KCNAB1: variants seen among roughly 807,000 people sequenced by gnomAD.
KCNAB1 encodes potassium voltage-gated channel subfamily A regulatory beta subunit 1.
In KCNAB1, 35 loss-of-function variants were observed where a neutral mutation model predicts 64.6. The observed-to-expected ratio is 0.54, with a 90% CI of 0.41 to 0.72. The LOEUF (loss-of-function observed/expected upper bound fraction) is 0.72. Ranked by LOEUF, KCNAB1 falls within the 30% of genes least tolerant of loss-of-function variation. KCNAB1 has a pLI of 0.00. For synonymous variants in KCNAB1, 177 were observed against 183.8 expected (o/e 0.96, Z 0.30); for missense variants, 401 against 512.9 (o/e 0.78, Z 2.11).
At chr3:156,361,621 A>G (rs1725620703) in intron 1 of KCNAB1, among the ~76,000 whole-genome samples, 1 of 152,322 alleles carries the variant, frequency 6.6e-6, no homozygotes, top group Non-Finnish European at 1.5e-5. Flanking sequence ...AAAGGCTCTC[A>G]ATAAATATTT....
intron 1 of KCNAB1, among the ~76,000 whole-genome samples, chr3:156,288,947 C>T (rs190896956): frequency 6.6e-6 from 1 of 152,286 alleles, no homozygotes; most frequent in Admixed American, 6.5e-5. Flanking sequence ...CTTCCTCCCT[C>T]TTCCTTTCTT....
At chr3:156,185,253 T>A (rs1334828891) in intron 1 of KCNAB1, among the ~76,000 whole-genome samples, 2 of 152,196 alleles carry the variant, frequency 1.3e-5, no homozygotes, top group Non-Finnish European at 2.9e-5. Flanking sequence ...TTCCAGGCTC[T>A]GATATCCCTT....
intron 1 of KCNAB1, among the ~76,000 whole-genome samples, chr3:156,243,168 A>G (rs1006926644): frequency 4.0e-5 from 6 of 151,880 alleles, no homozygotes; most frequent in African/African-American, 1.5e-4. Flanking sequence ...TCGGCCTCCC[A>G]AAGTGCTGGG....
intron 8 of KCNAB1, among the ~76,000 whole-genome samples, chr3:156,509,291 G>T (rs757729077): frequency 1.3e-5 from 2 of 152,126 alleles, no homozygotes; most frequent in Non-Finnish European, 2.9e-5. Context: ...TACTTGAAAG[G>T]CTGCTTAAAA....
intron 2 of KCNAB1, among the ~76,000 whole-genome samples, chr3:156,440,133 A>G (rs1423461021): frequency 1.3e-5 from 2 of 152,240 alleles, no homozygotes; most frequent in African/African-American, 4.8e-5. Flanking sequence ...CAGGTTTTGT[A>G]TAGTCTCTGG....
intron 1 of KCNAB1, among the ~76,000 whole-genome samples, chr3:156,403,115 A>G (rs1365865641): frequency 6.6e-6 from 1 of 152,192 alleles, no homozygotes; most frequent in Non-Finnish European, 1.5e-5. Flanking sequence ...ATTTCATTCA[A>G]AGCTAATTCC....
chr3:156,141,892 T>A (rs1213847095), intron 1 of KCNAB1, among the ~76,000 whole-genome samples: 1 of 152,218 alleles, frequency 6.6e-6, no homozygotes, highest in Non-Finnish European at 1.5e-5. Context: ...TTATGAGGGA[T>A]CCAGTTTCTC....
chr3:156,408,792 A>C (rs557570528), intron 1 of KCNAB1, among the ~76,000 whole-genome samples: 2 of 152,200 alleles, frequency 1.3e-5, no homozygotes, highest in African/African-American at 4.8e-5. Flanking sequence ...TAAAAAAAAA[A>C]ATAAAATAAA....
At chr3:156,399,421 C>T (rs1713725978) in intron 1 of KCNAB1, among the ~76,000 whole-genome samples, 1 of 152,164 alleles carries the variant, frequency 6.6e-6, no homozygotes, top group Admixed American at 6.5e-5. Context: ...CATACAATAG[C>T]TTTCTCACCG....
chr3:156,229,773 GT>G (rs1299685590), intron 1 of KCNAB1, among the ~76,000 whole-genome samples: 2 of 152,174 alleles, frequency 1.3e-5, no homozygotes, highest in East Asian at 3.9e-4. Flanking sequence ...TTCCTCTCCA[GT>G]TGGGTGTTGG....
intron 1 of KCNAB1, among the ~76,000 whole-genome samples, chr3:156,300,928 A>C (rs1352636922): frequency 1.3e-5 from 2 of 152,238 alleles, no homozygotes; most frequent in African/African-American, 4.8e-5. Flanking sequence ...TATTTTTAAC[A>C]TAGGAGGTTT....
intron 1 of KCNAB1, among the ~76,000 whole-genome samples, chr3:156,272,494 G>C (rs368397972): frequency 6.6e-6 from 1 of 151,918 alleles, no homozygotes; most frequent in Non-Finnish European, 1.5e-5. Flanking sequence ...CCACTACCAC[G>C]GCCCTGTGTG....
At position 156,220,512 on chromosome 3, in the gene KCNAB1, T is replaced by C. The variant is rs143943131; in HGVS notation, c.275+99626T>C. ...CGTGTGTCTGTTGGCTGCATAAATG[T>C]CTTCTTTTGAGAAGTGTCTGTTCAT... On this transcript the variant is annotated intron_variant, in intron 1 of 13. Transcript: ENST00000490337. Among the ~76,000 whole-genome samples, 1,364 of 152,352 alleles carry C rather than the reference T, an allele frequency of 9.0e-3. 19 individuals are homozygous for C. Among genetic ancestry groups the C allele is most frequent in the African/African-American group, 0.031 (1,295 of 41,576 alleles).
intron 1 of KCNAB1, among the ~76,000 whole-genome samples, chr3:156,391,007 C>T (rs1355501816): frequency 6.6e-6 from 1 of 152,110 alleles, no homozygotes; most frequent in Non-Finnish European, 1.5e-5. Flanking sequence ...GTCAGAACTC[C>T]AGTTTAGACG....
intron 1 of KCNAB1, among the ~76,000 whole-genome samples, chr3:156,390,923 C>T (rs1273460366): frequency 1.3e-5 from 2 of 152,042 alleles, no homozygotes; most frequent in Non-Finnish European, 2.9e-5. Flanking sequence ...TACACTTTCC[C>T]CACTCTTCCC....
intron 1 of KCNAB1, among the ~76,000 whole-genome samples, chr3:156,284,146 G>C (rs1719927529): frequency 6.6e-6 from 1 of 152,080 alleles, no homozygotes; most frequent in Non-Finnish European, 1.5e-5. Context: ...TGGGTTTTTG[G>C]TGTGGGTGTC....
intron 1 of KCNAB1, among the ~76,000 whole-genome samples, chr3:156,354,010 C>T (rs1380124991): frequency 6.6e-6 from 1 of 150,384 alleles, no homozygotes; most frequent in Non-Finnish European, 1.5e-5. Context: ...AGGCCCCCCA[C>T]AGTAGAGGTA....
At chr3:156,336,401 T>C (rs1334931167) in intron 1 of KCNAB1, among the ~76,000 whole-genome samples, 1 of 152,144 alleles carries the variant, frequency 6.6e-6, no homozygotes. Flanking sequence ...AACAATACTT[T>C]TAACCATATG....
chr3:156,257,405 A>G (rs1199892455), intron 1 of KCNAB1, among the ~76,000 whole-genome samples: 3 of 152,188 alleles, frequency 2.0e-5, no homozygotes, highest in African/African-American at 7.2e-5. Context: ...TCCTTTAAAA[A>G]GAGAATTTTA....
Sources: gnomAD v4.1 joint callset for allele counts (sites outside exome capture counted in the v4.1 genomes callset) on GRCh38, gnomAD v4.1.1 for gene constraint, MANE v1.5 for transcripts, NCBI Gene and HGNC (gene_info 2026-07-23, HGNC 2026-07-21) for gene names.